KCNG3: variants seen among roughly 807,000 people sequenced by gnomAD.
The protein encoded by KCNG3 is voltage-gated potassium channel regulatory subunit KCNG3.
In KCNG3, 15 loss-of-function variants were observed where a neutral mutation model predicts 29.0. That is an observed-to-expected ratio of 0.52 (90% CI 0.35 to 0.80). The LOEUF (loss-of-function observed/expected upper bound fraction) is 0.80, where lower values mean the gene tolerates loss of function less well. Among genes scored for constraint, KCNG3 ranks in the 30% least tolerant of loss-of-function variants. The pLI is 0.01. For synonymous variants in KCNG3, 322 were observed against 248.9 expected (o/e 1.29, Z -2.76); for missense variants, 512 against 605.7 (o/e 0.85, Z 1.62).
At position 42,443,211 on chromosome 2, in the gene KCNG3, T is replaced by A. The variant is rs969379462; in HGVS notation, c.*723A>T. 6.6e-6 allele frequency: 1 copy of A among 152,206 alleles called. No homozygotes were observed. Among genetic ancestry groups the A allele is most frequent in the African/African-American group, 2.4e-5 (1 of 41,456 alleles). The allele number at this position is 152,206 out of a possible 1,614,324, so 9.4% of individuals were successfully genotyped here. On this transcript the variant is annotated 3_prime_UTR_variant, in exon 2 of 2. Coordinates refer to ENST00000306078, the MANE Select transcript of KCNG3 (RefSeq NM_133329.6). The stretch of plus-strand genomic sequence containing the variant: ...ATTCAAATATTATCCAGTAAGATGC[T>A]AAACAACACAAGCTCTCGTCAATTC...
At chr2:42,457,562 G>A (rs769969002) in intron 1 of KCNG3, among the ~76,000 whole-genome samples, 1 of 150,408 alleles carries the variant, frequency 6.6e-6, no homozygotes, top group South Asian at 2.1e-4. Context: ...TATTTACAAG[G>A]CTGGCCAGGC....
the KCNG3 span, among the ~76,000 whole-genome samples, chr2:42,420,947 G>A: frequency 6.6e-6 from 1 of 152,092 alleles, no homozygotes; most frequent in East Asian, 1.9e-4. Context: ...TGTATCCTTA[G>A]CCCAGACCAC....
the KCNG3 span, among the ~76,000 whole-genome samples, chr2:42,392,029 T>C: frequency 1.3e-5 from 2 of 152,214 alleles, no homozygotes; most frequent in Non-Finnish European, 2.9e-5. Flanking sequence ...AGCAAAATCT[T>C]AGGGATCTCT....
the KCNG3 span, among the ~76,000 whole-genome samples, chr2:42,423,611 TC>T: frequency 1.3e-5 from 2 of 152,184 alleles, no homozygotes; most frequent in African/African-American, 2.4e-5. Context: ...GAATCACTCT[TC>T]TAGGAAGCCT....
chr2:42,473,056 C>T (rs948954975), intron 1 of KCNG3, among the ~76,000 whole-genome samples: 15 of 151,506 alleles, frequency 9.9e-5, no homozygotes, highest in African/African-American at 3.6e-4. Context: ...CACCCGCCAC[C>T]ACGCCCGGCT....
the KCNG3 span, among the ~76,000 whole-genome samples, chr2:42,427,122 C>A: frequency 6.6e-6 from 1 of 152,168 alleles, no homozygotes; most frequent in South Asian, 2.1e-4. Flanking sequence ...GCATAAGGCT[C>A]TCCATATATA....
the KCNG3 span, among the ~76,000 whole-genome samples, chr2:42,429,600 G>T: frequency 6.6e-6 from 1 of 152,186 alleles, no homozygotes; most frequent in Non-Finnish European, 1.5e-5. Context: ...ACTGCACAAA[G>T]TCTCTGTGGA....
At position 42,443,951 on chromosome 2, in the gene KCNG3, T is replaced by C. The variant is rs773135917; in HGVS notation, c.1294A>G (p.Thr432Ala). Residue 432 changes from threonine (T) to alanine (A), a missense_variant, in exon 2 of 2, where the codon ACT becomes GCT. Thr to Ala is a moderately conservative substitution (Grantham distance 58). This residue lies in a region of KCNG3 where 173 missense variants were observed against 262.4 expected (regional missense o/e 0.66). Coordinates refer to ENST00000306078, the MANE Select transcript of KCNG3 (RefSeq NM_133329.6). ...RSARYSRSLS[T>A]EFLN ...GCAATGCATTAATTCAGGAATTCAGTGGAGAGGCTCCTACTATACCTAGCA... is the reference window on the plus strand; with the variant it reads ...GCAATGCATTAATTCAGGAATTCAGCGGAGAGGCTCCTACTATACCTAGCA... 39 of 1,606,628 alleles carry C rather than the reference T, an allele frequency of 2.4e-5. No homozygotes were observed. The highest frequency in any genetic ancestry group is 3.1e-5 in the Non-Finnish European group (36 of 1,176,566).
At chr2:42,406,826 CAA>C in the KCNG3 span, among the ~76,000 whole-genome samples, 191 of 113,620 alleles carry the variant, frequency 1.7e-3, no homozygotes, top group Admixed American at 3.0e-3. Context: ...GACTCCTTCT[CAA>C]AAAAAAAAAA....
At chr2:42,463,671 T>TC (rs1558380699) in intron 1 of KCNG3, 1 of 175,792 alleles carries the variant, frequency 5.7e-6, no homozygotes. Flanking sequence ...TAGCATTTTT[T>TC]CCCCCCAGCA....
the KCNG3 span, among the ~76,000 whole-genome samples, chr2:42,394,102 T>G: frequency 6.6e-6 from 1 of 152,152 alleles, no homozygotes; most frequent in Non-Finnish European, 1.5e-5. Flanking sequence ...TTAATTAGTC[T>G]TCCTGGGATT....
At chr2:42,438,871 T>TTTTTTTTTTTTTTTTTTTTTTTTTG (rs1672420996), downstream of KCNG3, among the ~76,000 whole-genome samples, 4 of 152,256 alleles carry the variant, frequency 2.6e-5, no homozygotes, top group African/African-American at 9.6e-5. Context: ...CCCAGGTTTC[T>TTTTTTTTTTTTTTTTTTTTTTTTTG]GAGTGCAGAT....
At chr2:42,395,007 C>T in the KCNG3 span, among the ~76,000 whole-genome samples, 3 of 152,200 alleles carry the variant, frequency 2.0e-5, no homozygotes, top group Admixed American at 1.3e-4. Context: ...AGGGGCCCTG[C>T]GATGGCTGGG....
At position 42,493,611 on chromosome 2, in the gene KCNG3, G is replaced by T. The variant is rs951344100; in HGVS notation, c.-110C>A. 8.0e-6 allele frequency: 8 copies of T among 996,208 alleles called. No individual in the cohort carries two copies. The highest frequency in any genetic ancestry group is 9.0e-6 in the Non-Finnish European group (7 of 776,142). The allele number at this position is 996,208 out of a possible 1,614,324, so 61.7% of individuals were successfully genotyped here. ...GGCTGACGGGGGAGCGCGCCGTCGG[G>T]GCCCGCGCTCCCTCGGGGCTCCGCT... On this transcript the variant is annotated 5_prime_UTR_variant, in exon 1 of 2. Coordinates refer to ENST00000306078, the MANE Select transcript of KCNG3 (RefSeq NM_133329.6).
the KCNG3 span, among the ~76,000 whole-genome samples, chr2:42,419,119 G>A: frequency 3.4e-5 from 5 of 147,766 alleles, no homozygotes; most frequent in East Asian, 2.0e-4. Context: ...GCTACTGTGC[G>A]TTTTAGCTGT....
At chr2:42,459,006 G>A (rs986098191) in intron 1 of KCNG3, among the ~76,000 whole-genome samples, 13 of 152,074 alleles carry the variant, frequency 8.5e-5, no homozygotes, top group Admixed American at 6.6e-4. Context: ...AGACGAGTCC[G>A]ACCAACATGG....
chr2:42,391,854 G>A, the KCNG3 span, among the ~76,000 whole-genome samples: 2 of 151,656 alleles, frequency 1.3e-5, no homozygotes, highest in African/African-American at 2.4e-5. Context: ...CGCCCGCCTC[G>A]GCCTCCCAAA....
intron 1 of KCNG3, among the ~76,000 whole-genome samples, chr2:42,452,243 A>ATATATATT: frequency 1.1e-5 from 1 of 95,062 alleles, no homozygotes; most frequent in Non-Finnish European, 2.1e-5. Flanking sequence ...ATATATATAT[A>ATATATATT]TTTTTTTTTT....
chr2:42,410,598 ATATTTTCTATG>A, the KCNG3 span, among the ~76,000 whole-genome samples: 2 of 152,108 alleles, frequency 1.3e-5, no homozygotes, highest in Admixed American at 6.6e-5. Flanking sequence ...TAGAGACTTT[ATATTTTCTATG>A]TAAAACTGTT....
Sources: gnomAD v4.1 joint callset for allele counts (sites outside exome capture counted in the v4.1 genomes callset) on GRCh38, gnomAD v4.1.1 for gene constraint, gnomAD v4.1.1 regional missense constraint, MANE v1.5 for transcripts, NCBI Gene and HGNC (gene_info 2026-07-23, HGNC 2026-07-21) for gene names.